Variants in ARHGAP32 observed in about 807,000 individuals in gnomAD.
ARHGAP32 encodes rho GTPase-activating protein 32.
Under a neutral mutation model 186.5 loss-of-function variants are expected in ARHGAP32, and 51 were observed. That is an observed-to-expected ratio of 0.27 (90% CI 0.22 to 0.35). The LOEUF (loss-of-function observed/expected upper bound fraction) is 0.35, where lower values mean the gene tolerates loss of function less well. ARHGAP32 is among the 10% of genes least tolerant of loss of function. ARHGAP32 has a pLI of 1.00. For synonymous variants in ARHGAP32, 950 were observed against 964.3 expected, an observed-to-expected ratio of 0.99 and a Z score of 0.27; for missense variants, 2,186 against 2,623.5, an observed-to-expected ratio of 0.83 and a Z score of 3.64.
chr11:129,190,992 A>C (rs1944258868), intron 1 of ARHGAP32, among the ~76,000 whole-genome samples: 1 of 152,230 alleles, frequency 6.6e-6, no homozygotes, highest in Admixed American at 6.5e-5. Context: ...TATACTTCTC[A>C]TTTATTTGAA....
chr11:129,171,607 T>G (rs1228233689), intron 1 of ARHGAP32, among the ~76,000 whole-genome samples: 1 of 152,220 alleles, frequency 6.6e-6, no homozygotes, highest in East Asian at 1.9e-4. Flanking sequence ...GGTAGCGTGA[T>G]GCCTCCAGCT....
Position 129,192,236 on chromosome 11 carries a change from C to T in ARHGAP32, c.-38G>A, listed in dbSNP as rs758327144. ...AAACAAAAAAAACTAAACCTCCAGG[C>T]ATGGAATAAAAAGCACCAACATTCA... On this transcript the variant is annotated 5_prime_UTR_variant, in exon 1 of 23. An upstream start codon of the reference 5' UTR is lost. Transcript: ENST00000682385. 6.8e-7 allele frequency: 1 copy of T among 1,467,822 alleles called. No individual in the cohort carries two copies. The highest frequency in any genetic ancestry group is 1.1e-5 in the South Asian group (1 of 87,746). The allele number at this position is 1,467,822 out of a possible 1,614,324, so 90.9% of individuals were successfully genotyped here.
At chr11:129,050,050 A>C (rs953590204) in intron 10 of ARHGAP32, among the ~76,000 whole-genome samples, 6 of 152,224 alleles carry the variant, frequency 3.9e-5, no homozygotes, top group African/African-American at 1.4e-4. Context: ...TTTTGCTTAA[A>C]GTTGCAGTTT....
chr11:128,985,831 C>G, intron 15 of ARHGAP32, 172 bp downstream of exon 15: 1 of 115,014 alleles, frequency 8.7e-6, no homozygotes, highest in African/African-American at 3.7e-5. Flanking sequence ...TGTGTGTGTG[C>G]GTGTGTGTGT....
intron 11 of ARHGAP32, among the ~76,000 whole-genome samples, chr11:129,031,177 A>G (rs1464862550): frequency 6.6e-6 from 1 of 152,232 alleles, no homozygotes; most frequent in Admixed American, 6.5e-5. Flanking sequence ...ATATCAATAA[A>G]TAGTATCTTA....
chr11:129,257,957 C>A (rs1047537821), intron 1 of ARHGAP32, among the ~76,000 whole-genome samples: 1 of 152,042 alleles, frequency 6.6e-6, no homozygotes, highest in Non-Finnish European at 1.5e-5. Context: ...TATTATTTAC[C>A]TAATATTTTC....
intron 5 of ARHGAP32, among the ~76,000 whole-genome samples, chr11:129,122,310 G>C (rs972636993): frequency 6.6e-6 from 1 of 151,054 alleles, no homozygotes; most frequent in African/African-American, 2.4e-5. Context: ...GCCCCCAAAA[G>C]AGTTCATTCA....
At chr11:129,100,035 C>T (rs1418642075) in intron 5 of ARHGAP32, among the ~76,000 whole-genome samples, 5 of 152,166 alleles carry the variant, frequency 3.3e-5, no homozygotes, top group African/African-American at 1.2e-4. Flanking sequence ...CCTCTGAAAC[C>T]CTGGCAGGCA....
At chr11:129,208,629 C>T (rs1379472581) in intron 1 of ARHGAP32, among the ~76,000 whole-genome samples, 2 of 150,652 alleles carry the variant, frequency 1.3e-5, no homozygotes, top group Non-Finnish European at 3.0e-5. Context: ...TTCAAACAAC[C>T]GGACAGTGGA....
intron 15 of ARHGAP32, among the ~76,000 whole-genome samples, chr11:128,982,877 T>A (rs573765922): frequency 8.9e-6 from 1 of 112,050 alleles, no homozygotes; most frequent in East Asian, 2.4e-4. Flanking sequence ...GGTGACAGAG[T>A]GAGACCTTGT....
In ARHGAP32 at chr11:129,150,330, T is replaced by G. The variant is rs1472775969; in HGVS notation, c.225+13989A>C. 2.6e-5 allele frequency among the ~76,000 whole-genome samples: 4 copies of G among 152,178 alleles called. No homozygotes were observed. In the East Asian group the frequency reaches 7.7e-4, roughly 29 times the overall value. On this transcript the variant is annotated intron_variant, in intron 2 of 22. Transcript: ENST00000682385. ...AAAAGCTCAAAGAACACCTGAAATA[T>G]TCACCGCAAAAAAATCACCTGCACA...
intron 1 of ARHGAP32, among the ~76,000 whole-genome samples, chr11:129,205,286 G>A (rs1384316960): frequency 6.6e-6 from 1 of 151,972 alleles, no homozygotes; most frequent in African/African-American, 2.4e-5. Flanking sequence ...AAAATAATAA[G>A]GCTGTTTTTA....
intron 1 of ARHGAP32, among the ~76,000 whole-genome samples, chr11:129,272,830 C>T (rs147592758): frequency 6.6e-6 from 1 of 152,392 alleles, no homozygotes; most frequent in Non-Finnish European, 1.5e-5. Flanking sequence ...CTTGTCACTT[C>T]TCGCACGCTT....
intron 1 of ARHGAP32, among the ~76,000 whole-genome samples, chr11:129,178,048 G>A (rs1943959742): frequency 6.7e-6 from 1 of 150,360 alleles, no homozygotes; most frequent in African/African-American, 2.4e-5. Flanking sequence ...AAACCCCATT[G>A]TCTCAGCCCA....
chr11:128,988,449 A>C, intron 12 of ARHGAP32, among the ~76,000 whole-genome samples: 1 of 152,216 alleles, frequency 6.6e-6, no homozygotes, highest in East Asian at 1.9e-4. Context: ...CATTACAGCA[A>C]AGTGAACTGT....
At position 128,969,866 on chromosome 11, in the gene ARHGAP32, C is replaced by T. The variant is rs753893875; in HGVS notation, c.5347G>A (p.Val1783Ile). 6 of 1,614,214 alleles carry T rather than the reference C, an allele frequency of 3.7e-6. No homozygotes were observed. The South Asian group carries it at 5.5e-5, about 15-fold the overall frequency. ...GTCATGTTATCATATTGGGACATGA[C>T]AGGCCCTTTCACCTTCTGCCGAGCA... ...SRARQKVKGP[V>I]MSQYDNMTPA... Residue 1783 changes from valine to isoleucine, a missense_variant, in exon 23 of 23, where the codon GTC becomes ATC. This residue lies in a region of ARHGAP32 where 1,502 missense variants were observed against 1,570.0 expected (regional missense o/e 0.96). Transcript: ENST00000682385. This position sits in a 1 kb window ranked among gnomAD's most constrained non-coding sequence, Gnocchi z 4.8.
At chr11:129,016,230 T>A (rs947152084) in intron 11 of ARHGAP32, among the ~76,000 whole-genome samples, 1 of 152,188 alleles carries the variant, frequency 6.6e-6, no homozygotes, top group African/African-American at 2.4e-5. Context: ...GTTGTCTTTT[T>A]CTTACTGATG....
At chr11:129,034,167 A>G (rs1486073993) in intron 11 of ARHGAP32, among the ~76,000 whole-genome samples, 1 of 152,012 alleles carries the variant, frequency 6.6e-6, no homozygotes, top group Admixed American at 6.6e-5. Context: ...CTGACCTCCA[A>G]TTTTTGTTCC....
chr11:129,150,351 G>A (rs551442319), intron 2 of ARHGAP32, among the ~76,000 whole-genome samples: 2 of 152,210 alleles, frequency 1.3e-5, no homozygotes, highest in South Asian at 4.1e-4. Flanking sequence ...AAAATCACCT[G>A]CACACACAGT....
Sources: allele counts gnomAD v4.1 joint callset (sites outside exome capture counted in the v4.1 genomes callset), GRCh38; gene constraint gnomAD v4.1.1; regional missense constraint gnomAD v4.1.1; non-coding constraint Gnocchi (gnomAD v3.1); transcripts MANE v1.5; gene names NCBI Gene and HGNC (gene_info 2026-07-23, HGNC 2026-07-21).